Variants in GDF11 observed in about 807,000 individuals in gnomAD.
GDF11 encodes the protein growth differentiation factor 11.
GDF11 carries 12 observed loss-of-function variants against 34.4 expected under a neutral mutation model. That is an observed-to-expected ratio of 0.35 (90% CI 0.22 to 0.57). The LOEUF (loss-of-function observed/expected upper bound fraction) is 0.57, where lower values mean the gene tolerates loss of function less well. Among genes scored for constraint, GDF11 ranks in the 20% least tolerant of loss-of-function variants. The pLI is 0.86. For missense variants in GDF11, 346 were observed against 548.2 expected, an observed-to-expected ratio of 0.63 and a Z score of 3.68; for synonymous variants, 212 against 231.1, an observed-to-expected ratio of 0.92 and a Z score of 0.75.
At position 55,752,972 on chromosome 12, in the gene GDF11, A is replaced by G. The variant is rs1878373146; in HGVS notation, c.*3090A>G. 1 of 152,274 alleles carries G rather than the reference A, an allele frequency of 6.6e-6. No individual in the cohort carries two copies. The highest frequency in any genetic ancestry group is 1.5e-5 in the Non-Finnish European group (1 of 68,070). 9.4% of individuals were successfully genotyped at this position (152,274 alleles called of 1,614,324 possible). ...TCTGAGACAGGAAACCTCGTGTTCA[A>G]TGACTAAGAAGATGGGGTCCTGGAG... On this transcript the variant is annotated 3_prime_UTR_variant, in exon 3 of 3. Coordinates refer to ENST00000257868, the MANE Select transcript of GDF11 (RefSeq NM_005811.5).
Position 55,748,510 on chromosome 12 carries a change from T to C in GDF11, c.446-76T>C, listed in dbSNP as rs1319048365. 1 of 1,388,098 alleles carries C rather than the reference T, an allele frequency of 7.2e-7. No homozygotes were observed. The highest frequency in any genetic ancestry group is 9.8e-7 in the Non-Finnish European group (1 of 1,022,536). The allele number at this position is 1,388,098 out of a possible 1,614,324, so 86.0% of individuals were successfully genotyped here. A position where few individuals can be genotyped will look rare whatever the true frequency, so the allele number is the denominator to read the frequency against. On this transcript the variant is annotated intron_variant, in intron 1 of 2. Coordinates refer to ENST00000257868, the MANE Select transcript of GDF11 (RefSeq NM_005811.5). The surrounding 1 kb of genome is among the most constrained non-coding windows in gnomAD (Gnocchi z 5.6). ...GAAAATCAGGCTGAGAAGTCCAAAA[T>C]TGCCAGTGCCACCCAGGACTACTGA...
rs1449744041 is a variant in GDF11, at chr12:55,752,267, C to G, written c.*2385C>G. ...AGAGTAGGGATTGGGCAATAAGCAT[C>G]AGGTATCTTCCCTCTACAGATTCTA... On this transcript the variant is annotated 3_prime_UTR_variant, in exon 3 of 3. Coordinates refer to ENST00000257868, the MANE Select transcript of GDF11 (RefSeq NM_005811.5). 6.6e-6 allele frequency: 1 copy of G among 151,386 alleles called. No homozygotes were observed. The highest frequency in any genetic ancestry group is 1.5e-5 in the Non-Finnish European group (1 of 67,970). 9.4% of individuals were successfully genotyped at this position (151,386 alleles called of 1,614,324 possible).
chr12:55,748,719 C>T lies in GDF11; in HGVS notation c.579C>T (p.Val193=), dbSNP rs769908629. ...GGCCTGTACCCCGCCCAGCCACAGT[C>T]TACCTGCAGATCTTGCGACTAAAAC... ...YLRPVPRPAT[V]YLQILRLKPL... is the part of the protein sequence containing the mutation. The change falls in exon 2 of 3, where the codon GTC becomes GTT. Residue 193 remains valine, a synonymous_variant. Coordinates refer to ENST00000257868, the MANE Select transcript of GDF11 (RefSeq NM_005811.5). The surrounding 1 kb of genome is among the most constrained non-coding windows in gnomAD (Gnocchi z 5.6). 3 of 1,614,272 alleles carry T rather than the reference C, an allele frequency of 1.9e-6. No individual in the cohort carries two copies. The highest frequency in any genetic ancestry group is 2.5e-6 in the Non-Finnish European group (3 of 1,180,052).
chr12:55,743,393 AG>A lies in GDF11; in HGVS notation c.80del (p.Gly27AlafsTer50), dbSNP rs1217946214. The A allele has an allele frequency of 1.0e-6, 1 of 988,932 alleles. No homozygotes were observed. The highest frequency in any genetic ancestry group is 1.2e-6 in the Non-Finnish European group (1 of 835,390). 61.3% of individuals were successfully genotyped at this position (988,932 alleles called of 1,614,324 possible). On this transcript the variant is annotated frameshift_variant, in exon 1 of 3. Transcript: ENST00000257868. LOFTEE classifies it high-confidence loss of function. ...LELRPRGEAA[E>X]GPAAAAAAAA... ...CTGCGGCCCCGGGGGGAGGCGGCCG[AG>A]GGCCCCGCGGCGGCGGCGGCGGCGG...
rs1024548853 is a variant in GDF11, at chr12:55,750,020, C to T, written c.*138C>T. On this transcript the variant is annotated 3_prime_UTR_variant, in exon 3 of 3. Coordinates refer to ENST00000257868, the MANE Select transcript of GDF11 (RefSeq NM_005811.5). The stretch of plus-strand genomic sequence containing the variant: ...TTCCCCGACCAAGCCGTGTGCAATA[C>T]AACAGAGGGAGGCAGGTGGGAATTG... The T allele has an allele frequency of 1.3e-6, 1 of 753,080 alleles. No homozygotes were observed. Among genetic ancestry groups the T allele is most frequent in the African/African-American group, 1.7e-5 (1 of 57,338 alleles). 46.6% of individuals were successfully genotyped at this position (753,080 alleles called of 1,614,324 possible).
At chr12:55,743,907 TC>T in intron 1 of GDF11, 146 bp downstream of exon 1, 1 of 646,392 alleles carries the variant, frequency 1.5e-6, no homozygotes, top group Non-Finnish European at 2.6e-6. Context: ...GGGGGCTACT[TC>T]ATAGAAGTTT....
chr12:55,748,626 C>T lies in GDF11; in HGVS notation c.486C>T (p.Cys162=). The T allele has an allele frequency of 1.2e-6, 2 of 1,614,048 alleles. No homozygotes were observed. Among genetic ancestry groups the T allele is most frequent in the Middle Eastern group, 1.7e-4 (1 of 6,060 alleles). The change falls in exon 2 of 3, where the codon TGC becomes TGT. Residue 162 remains cysteine, a synonymous_variant. Transcript: ENST00000257868. The surrounding 1 kb of genome is among the most constrained non-coding windows in gnomAD (Gnocchi z 5.6). ...AGACAGATGGCAGCCCTCTCTGCTGCCATTTTCACTTCAGCCCCAAGGTGA... is the reference window on the plus strand; with the variant it reads ...AGACAGATGGCAGCCCTCTCTGCTGTCATTTTCACTTCAGCCCCAAGGTGA... ...AVQTDGSPLC[C]HFHFSPKVMF...
intron 1 of GDF11, among the ~76,000 whole-genome samples, chr12:55,744,868 G>A (rs1878147553): frequency 2.0e-5 from 3 of 152,298 alleles, no homozygotes; most frequent in African/African-American, 7.2e-5. Flanking sequence ...ATAAAAAGCT[G>A]GGGGCTGAGG....
rs1221731044 is a variant in GDF11, at chr12:55,754,283, A to G, written c.*4401A>G. 1 of 152,242 alleles carries G rather than the reference A, an allele frequency of 6.6e-6. No individual in the cohort carries two copies. The highest frequency in any genetic ancestry group is 1.5e-5 in the Non-Finnish European group (1 of 68,038). 9.4% of individuals were successfully genotyped at this position (152,242 alleles called of 1,614,324 possible). On this transcript the variant is annotated 3_prime_UTR_variant, in exon 3 of 3. Coordinates refer to ENST00000257868, the MANE Select transcript of GDF11 (RefSeq NM_005811.5). ...GAGAACACCCAAAAAAAGACTACTCAAGATGACTTTTTACAAGTCTTTTCT... is the reference window on the plus strand; with the variant it reads ...GAGAACACCCAAAAAAAGACTACTCGAGATGACTTTTTACAAGTCTTTTCT...
intron 1 of GDF11, among the ~76,000 whole-genome samples, chr12:55,744,228 G>A (rs1162792547): frequency 6.6e-6 from 1 of 152,186 alleles, no homozygotes; most frequent in East Asian, 1.9e-4. Context: ...GTGCCCAACG[G>A]GTTGCAGAGA....
chr12:55,754,527 T>C lies in GDF11; in HGVS notation c.*4645T>C, dbSNP rs898287557. 2 of 152,228 alleles carry C rather than the reference T, an allele frequency of 1.3e-5. No individual in the cohort carries two copies. The highest frequency in any genetic ancestry group is 4.8e-5 in the African/African-American group (2 of 41,458). The allele number at this position is 152,228 out of a possible 1,614,324, so 9.4% of individuals were successfully genotyped here. On this transcript the variant is annotated 3_prime_UTR_variant, in exon 3 of 3. Transcript: ENST00000257868. ...CTGGGCTTGAGGGAGTGAATGGGAC[T>C]CTTTCTGCCTTTTCTTTTTCTCAAA...
intron 1 of GDF11, among the ~76,000 whole-genome samples, chr12:55,744,708 C>A (rs146693932): frequency 1.8e-4 from 28 of 151,628 alleles, no homozygotes; most frequent in African/African-American, 2.9e-4. Flanking sequence ...GGTCTCCCCC[C>A]CTCCCCAACT....
rs183215591 is a variant in GDF11 at position 55,753,824 on chromosome 12, G to A, written c.*3942G>A. ...AAGCAGGACCCAGTGGTGTGCTCCTGTAGTTCCAGCTATTCAGGAGGCTGT... is the reference window on the plus strand; with the variant it reads ...AAGCAGGACCCAGTGGTGTGCTCCTATAGTTCCAGCTATTCAGGAGGCTGT... On this transcript the variant is annotated 3_prime_UTR_variant, in exon 3 of 3. Transcript: ENST00000257868. The A allele has an allele frequency of 6.7e-6, 1 of 149,454 alleles. No homozygotes were observed. Among genetic ancestry groups the A allele is most frequent in the African/African-American group, 2.5e-5 (1 of 40,466 alleles). 9.3% of individuals were successfully genotyped at this position (149,454 alleles called of 1,614,324 possible). A position where few individuals can be genotyped will look rare whatever the true frequency, so the allele number is the denominator to read the frequency against.
At position 55,748,586 on chromosome 12, in the gene GDF11, C is replaced by T. The variant is rs1458262102; in HGVS notation, c.446C>T (p.Thr149Met). The T allele has an allele frequency of 3.1e-6, 5 of 1,602,690 alleles. No individual in the cohort carries two copies. Among genetic ancestry groups the T allele is most frequent in the Non-Finnish European group, 4.3e-6 (5 of 1,172,538 alleles). The part of the protein sequence containing the change: ...TETVISMAQE[T>M]DPAVQTDGSP... The stretch of plus-strand genomic sequence containing the variant: ...ATGCTGTGCCCTTCTCTCTTATCAG[C>T]GGACCCAGCAGTACAGACAGATGGC... Residue 149 changes from threonine (T) to methionine (M), a missense_variant and splice_region_variant, in exon 2 of 3, where the codon ACG becomes ATG. Transcript: ENST00000257868. The surrounding 1 kb of genome is among the most constrained non-coding windows in gnomAD (Gnocchi z 5.6).
chr12:55,746,140 C>G (rs1329583365), intron 1 of GDF11, among the ~76,000 whole-genome samples: 1 of 152,308 alleles, frequency 6.6e-6, no homozygotes, highest in South Asian at 2.1e-4. Context: ...GATGTGGCCC[C>G]TTTTCCTCCC....
In GDF11 at chr12:55,754,801, T is replaced by C. The variant is rs1878452403; in HGVS notation, c.*4919T>C. On this transcript the variant is annotated 3_prime_UTR_variant, in exon 3 of 3. Coordinates refer to ENST00000257868, the MANE Select transcript of GDF11 (RefSeq NM_005811.5). ...CACAATGGGGTTCCTTTTGGTACAGTCTGAAAAGAGAATGATTATCTGCGC... is the reference window on the plus strand; with the variant it reads ...CACAATGGGGTTCCTTTTGGTACAGCCTGAAAAGAGAATGATTATCTGCGC... 6.6e-6 allele frequency: 1 copy of C among 152,204 alleles called. No homozygotes were observed. Among genetic ancestry groups the C allele is most frequent in the Admixed American group, 6.5e-5 (1 of 15,280 alleles). 9.4% of individuals were successfully genotyped at this position (152,204 alleles called of 1,614,324 possible). A position where few individuals can be genotyped will look rare whatever the true frequency, so the allele number is the denominator to read the frequency against.
chr12:55,754,174 A>G lies in GDF11; in HGVS notation c.*4292A>G, dbSNP rs1351661193. 3.3e-5 allele frequency: 5 copies of G among 152,120 alleles called. No individual in the cohort carries two copies. The highest frequency in any genetic ancestry group is 7.4e-5 in the Non-Finnish European group (5 of 68,020). 9.4% of individuals were successfully genotyped at this position (152,120 alleles called of 1,614,324 possible). On this transcript the variant is annotated 3_prime_UTR_variant, in exon 3 of 3. Coordinates refer to ENST00000257868, the MANE Select transcript of GDF11 (RefSeq NM_005811.5). The stretch of plus-strand genomic sequence containing the variant: ...GTTATGTATTCTATCTTCCCAAGGG[A>G]ACCATATCCACATCTACCCCTAACT...
Position 55,750,858 on chromosome 12 carries a change from G to A in GDF11, c.*976G>A, listed in dbSNP as rs1253984511. ...CACCCTCATGATGCTGAGTTATTTA[G>A]CCAGAGGGTGCAGCCTGCTTATGCC... On this transcript the variant is annotated 3_prime_UTR_variant, in exon 3 of 3. Transcript: ENST00000257868. 3 of 152,172 alleles carry A rather than the reference G, an allele frequency of 2.0e-5. No individual in the cohort carries two copies. Among genetic ancestry groups the A allele is most frequent in the Non-Finnish European group, 2.9e-5 (2 of 68,026 alleles). The allele number at this position is 152,172 out of a possible 1,614,324, so 9.4% of individuals were successfully genotyped here.
Position 55,753,050 on chromosome 12 carries a change from C to T in GDF11, c.*3168C>T, listed in dbSNP as rs1878375408. On this transcript the variant is annotated 3_prime_UTR_variant, in exon 3 of 3. Coordinates refer to ENST00000257868, the MANE Select transcript of GDF11 (RefSeq NM_005811.5). ...GGTATAAGGTTTGGGACATGCAGGCCAAGGAAGGATGGAAAGAGGACAGGA... is the reference window on the plus strand; with the variant it reads ...GGTATAAGGTTTGGGACATGCAGGCTAAGGAAGGATGGAAAGAGGACAGGA... 1 of 152,084 alleles carries T rather than the reference C, an allele frequency of 6.6e-6. No homozygotes were observed. The highest frequency in any genetic ancestry group is 2.1e-4 in the South Asian group (1 of 4,822). The allele number at this position is 152,084 out of a possible 1,614,324, so 9.4% of individuals were successfully genotyped here. A position where few individuals can be genotyped will look rare whatever the true frequency, so the allele number is the denominator to read the frequency against.
Sources: allele counts gnomAD v4.1 joint callset (sites outside exome capture counted in the v4.1 genomes callset), GRCh38; gene constraint gnomAD v4.1.1; non-coding constraint Gnocchi (gnomAD v3.1); transcripts MANE v1.5; gene names NCBI Gene and HGNC (gene_info 2026-07-23, HGNC 2026-07-21).